Variants in DDX19B observed in about 807,000 individuals in gnomAD.
The protein encoded by DDX19B is DEAD-box helicase 19B.
DDX19B carries 27 observed loss-of-function variants against 58.1 expected under a neutral mutation model. That is an observed-to-expected ratio of 0.46 (90% CI 0.34 to 0.64). The LOEUF is 0.64. Among genes scored for constraint, DDX19B ranks in the 30% least tolerant of loss-of-function variants. The probability of loss-of-function intolerance (pLI) is 0.01; values close to 1 mark genes in which losing one functional copy is unlikely to be tolerated. For synonymous variants in DDX19B, 187 were observed against 214.4 expected, an observed-to-expected ratio of 0.87 and a Z score of 1.12; for missense variants, 399 against 596.5, an observed-to-expected ratio of 0.67 and a Z score of 3.45.
At chr16:70,325,787 T>C (rs1963113254) in intron 7 of DDX19B, 99 bp downstream of exon 7, 11 of 880,226 alleles carry the variant, frequency 1.2e-5, no homozygotes, top group Middle Eastern at 2.6e-4. Flanking sequence ...AATAAACACA[T>C]GTATGTTCTC....
chr16:70,320,967 T>TC (rs1311621768), intron 5 of DDX19B, among the ~76,000 whole-genome samples: 1 of 149,920 alleles, frequency 6.7e-6, no homozygotes, highest in Non-Finnish European at 1.5e-5. Flanking sequence ...AGGCTTTTTT[T>TC]TTTTTTTTTT....
At chr16:70,318,290 C>G (rs1409602210) in intron 5 of DDX19B, among the ~76,000 whole-genome samples, 2 of 151,756 alleles carry the variant, frequency 1.3e-5, no homozygotes, top group African/African-American at 4.8e-5. Flanking sequence ...ACGAGAATCG[C>G]TTGAACCCCG....
chr16:70,303,499 C>A (rs1295172853), intron 1 of DDX19B, among the ~76,000 whole-genome samples: 1 of 152,118 alleles, frequency 6.6e-6, no homozygotes, highest in Non-Finnish European at 1.5e-5. Context: ...CTTTTTTCAA[C>A]AGTACTTTTC....
rs1183278180 is a variant in DDX19B, at chr16:70,335,235, C to T, written c.*1653C>T. ...TATACTTTTTTCTCCTTCCCTGAGT[C>T]CTGTGGACCAACCCTGAAATACTAA... On this transcript the variant is annotated 3_prime_UTR_variant, in exon 12 of 12. Coordinates refer to ENST00000288071, the MANE Select transcript of DDX19B (RefSeq NM_007242.7). 6.6e-6 allele frequency: 1 copy of T among 152,162 alleles called. No homozygotes were observed. The allele number at this position is 152,162 out of a possible 1,614,324, so 9.4% of individuals were successfully genotyped here.
intron 5 of DDX19B, among the ~76,000 whole-genome samples, chr16:70,324,283 A>C (rs1036325444): frequency 6.8e-6 from 1 of 146,532 alleles, no homozygotes. Context: ...GGATCACTTG[A>C]GCCCAGGAGG....
intron 5 of DDX19B, among the ~76,000 whole-genome samples, chr16:70,323,563 A>C (rs1256869921): frequency 6.6e-6 from 1 of 151,678 alleles, no homozygotes; most frequent in Admixed American, 6.6e-5. Context: ...AGCTGGGACT[A>C]CAGGCGCCCA....
intron 7 of DDX19B, among the ~76,000 whole-genome samples, chr16:70,325,951 T>C (rs1047896375): frequency 1.3e-5 from 2 of 152,178 alleles, no homozygotes; most frequent in African/African-American, 4.8e-5. Context: ...ACCAGGAAAA[T>C]TAACAGATTT....
intron 1 of DDX19B, among the ~76,000 whole-genome samples, chr16:70,309,164 G>A (rs1031673142): frequency 6.6e-6 from 1 of 151,850 alleles, no homozygotes; most frequent in Non-Finnish European, 1.5e-5. Flanking sequence ...CAACACCAAA[G>A]CAGAAAGGGA....
At chr16:70,293,353 G>A (rs986556700), upstream of DDX19B, among the ~76,000 whole-genome samples, 1 of 151,236 alleles carries the variant, frequency 6.6e-6, no homozygotes, top group Non-Finnish European at 1.5e-5. Context: ...GGGAAGTAAA[G>A]GATGCAGTAA....
intron 2 of DDX19B, among the ~76,000 whole-genome samples, chr16:70,314,636 C>T (rs1303778401): frequency 6.6e-6 from 1 of 151,898 alleles, no homozygotes; most frequent in Non-Finnish European, 1.5e-5. Flanking sequence ...TGCACTCCAG[C>T]CTGGGCGACA....
At position 70,306,355 on chromosome 16, in the gene DDX19B, T is replaced by C. The variant is rs571069957; in HGVS notation, c.58-6254T>C. Reference sequence around the variant, plus strand: ...TTTGTAGACATAGGGTTTCACCATGTTGCTCAGGGCAGTCTCAAGTTCCTG... The same window carrying C: ...TTTGTAGACATAGGGTTTCACCATGCTGCTCAGGGCAGTCTCAAGTTCCTG... On this transcript the variant is annotated intron_variant, in intron 1 of 11. Transcript: ENST00000288071. Among the ~76,000 whole-genome samples, 10 of 152,066 alleles carry C rather than the reference T, an allele frequency of 6.6e-5. No homozygotes were observed. In the South Asian group the frequency reaches 2.1e-3, roughly 32 times the overall value.
intron 5 of DDX19B, among the ~76,000 whole-genome samples, chr16:70,322,298 A>G (rs1459014856): frequency 6.6e-6 from 1 of 152,152 alleles, no homozygotes; most frequent in Admixed American, 6.6e-5. Flanking sequence ...ATCAAGAGTT[A>G]CCGGTGTGGC....
upstream of DDX19B, among the ~76,000 whole-genome samples, chr16:70,293,597 A>ATTTTTTTTTTTTTTTT (rs71151182): frequency 2.9e-4 from 22 of 77,020 alleles, 4 homozygotes; most frequent in African/African-American, 7.6e-4. Flanking sequence ...GGATGGCTGA[A>ATTTTTTTTTTTTTTTT]TTTTTTTTTT....
chr16:70,312,611 G>A lies in DDX19B; in HGVS notation c.60G>A (p.Leu20=). 1 of 1,612,964 alleles carries A rather than the reference G, an allele frequency of 6.2e-7. No individual in the cohort carries two copies. Among genetic ancestry groups the A allele is most frequent in the Non-Finnish European group, 8.5e-7 (1 of 1,179,394 alleles). Reference sequence around the variant, plus strand: ...CCTCCCCCATATTCTCCATTTAGTTGAGCAACTTGCATCTTAAGGAAGAGA... The same window carrying A: ...CCTCCCCCATATTCTCCATTTAGTTAAGCAACTTGCATCTTAAGGAAGAGA... ...VDEQEAAAES[L]SNLHLKEEKI... is the part of the protein sequence containing the mutation. The change falls in exon 2 of 12, where the codon TTG becomes TTA. Residue 20 remains leucine, a splice_region_variant and synonymous_variant. Transcript: ENST00000288071.
intron 1 of DDX19B, among the ~76,000 whole-genome samples, chr16:70,311,405 C>T (rs1020813557): frequency 2.0e-5 from 3 of 151,918 alleles, no homozygotes; most frequent in Non-Finnish European, 4.4e-5. Flanking sequence ...AAAAAATTTA[C>T]GACTAGAGCA....
rs770117112 is a variant in DDX19B, at chr16:70,333,599, C to G, written c.*17C>G. On this transcript the variant is annotated 3_prime_UTR_variant, in exon 12 of 12. Coordinates refer to ENST00000288071, the MANE Select transcript of DDX19B (RefSeq NM_007242.7). Reference sequence around the variant, plus strand: ...GCCAACTGAGAAGCTCCACCAGCCACTGATGCCAGCCCTGGCACTGCCCCT... The same window carrying G: ...GCCAACTGAGAAGCTCCACCAGCCAGTGATGCCAGCCCTGGCACTGCCCCT... The G allele has an allele frequency of 6.2e-7, 1 of 1,614,044 alleles. No individual in the cohort carries two copies. Among genetic ancestry groups the G allele is most frequent in the South Asian group, 1.1e-5 (1 of 91,080 alleles).
chr16:70,297,589 TA>T (rs1307072391), upstream of DDX19B, among the ~76,000 whole-genome samples: 1 of 152,196 alleles, frequency 6.6e-6, no homozygotes, highest in East Asian at 1.9e-4. Flanking sequence ...TTTCAGATTG[TA>T]GGAAAATGCC....
At chr16:70,327,230 A>C (rs1963207493) in intron 7 of DDX19B, among the ~76,000 whole-genome samples, 1 of 151,796 alleles carries the variant, frequency 6.6e-6, no homozygotes, top group African/African-American at 2.4e-5. Flanking sequence ...CACCCAGCTA[A>C]TTTTCTAAAA....
rs143334329 is a variant in DDX19B at position 70,333,540 on chromosome 16, G to A, written c.1398G>A (p.Leu466=). 1,417 of 1,613,988 alleles carry A rather than the reference G, an allele frequency of 8.8e-4. 16 individuals carry two copies. The African/African-American group carries it at 0.016, about 19-fold the overall frequency. ...QEHFNKKIER[L]DTDDLDEIEK... is the part of the protein sequence containing the mutation. ...CCCCAGATAAGAAGATAGAAAGATT[G>A]GACACAGATGATTTGGACGAGATTG... The change falls in exon 12 of 12, where the codon TTG becomes TTA. Residue 466 remains leucine, a synonymous_variant. Coordinates refer to ENST00000288071, the MANE Select transcript of DDX19B (RefSeq NM_007242.7).
Sources: gnomAD v4.1 joint callset for allele counts (sites outside exome capture counted in the v4.1 genomes callset) on GRCh38, gnomAD v4.1.1 for gene constraint, MANE v1.5 for transcripts, NCBI Gene and HGNC (gene_info 2026-07-23, HGNC 2026-07-21) for gene names.